PRSS3: variants seen among roughly 807,000 people sequenced by gnomAD.
PRSS3 encodes the protein serine protease 3.
In PRSS3, 14 loss-of-function variants were observed where a neutral mutation model predicts 20.8. The ratio of observed to expected loss-of-function variants is 0.67; its 90% CI spans 0.44 to 1.05. PRSS3 has a LOEUF of 1.05. Among genes scored for constraint, PRSS3 ranks in the 50% least tolerant of loss-of-function variants. The probability of loss-of-function intolerance (pLI) is 0.00; values close to 1 mark genes in which losing one functional copy is unlikely to be tolerated. For missense variants in PRSS3, 237 were observed against 306.4 expected, an observed-to-expected ratio of 0.77 and a Z score of 1.69; for synonymous variants, 91 against 117.6, an observed-to-expected ratio of 0.77 and a Z score of 1.46.
At chr9:33,795,504 C>T (rs1824865399), upstream of PRSS3, 3 of 1,597,656 alleles carry the variant, frequency 1.9e-6, no homozygotes, top group Non-Finnish European at 2.6e-6. Context: ...CTCACAGACA[C>T]CTCCTCTCCT....
chr9:33,792,505 A>G (rs1824680030), upstream of PRSS3, among the ~76,000 whole-genome samples: 1 of 152,210 alleles, frequency 6.6e-6, no homozygotes, highest in Admixed American at 6.5e-5. Context: ...TGATTTGTAA[A>G]AAGGAGAGAA....
intron 1 of PRSS3, among the ~76,000 whole-genome samples, chr9:33,754,593 G>A (rs1013465437): frequency 4.0e-5 from 6 of 151,848 alleles, no homozygotes; most frequent in Non-Finnish European, 7.4e-5. Flanking sequence ...ACTTTGGGAG[G>A]TCAAGGCGGG....
At chr9:33,787,014 G>A (rs1764165117) in intron 1 of PRSS3, among the ~76,000 whole-genome samples, 1 of 152,174 alleles carries the variant, frequency 6.6e-6, no homozygotes, top group South Asian at 2.1e-4. Context: ...CTGGGGATGA[G>A]GAGAGCATCT....
At chr9:33,774,846 C>T (rs530495012) in intron 1 of PRSS3, among the ~76,000 whole-genome samples, 2 of 151,924 alleles carry the variant, frequency 1.3e-5, no homozygotes, top group South Asian at 4.2e-4. Context: ...AAATTACAGG[C>T]ATGGTGGCGC....
upstream of PRSS3, chr9:33,794,914 C>T (rs1194734311): frequency 6.5e-7 from 1 of 1,547,916 alleles, no homozygotes; most frequent in Non-Finnish European, 8.7e-7. Context: ...TTCTTTGAAA[C>T]ACTTCCCATC....
chr9:33,780,107 A>G lies in PRSS3; in HGVS notation c.-52-14639A>G, dbSNP rs529344624. 1.2e-4 allele frequency among the ~76,000 whole-genome samples: 19 copies of G among 152,162 alleles called. 2 individuals are homozygous for G. In the South Asian group the frequency reaches 3.7e-3, roughly 30 times the overall value. ...TATAAGACAACTATCCCCAAGACACATAGTCGTCAGATTCACCAAGGTCAA... is the reference window on the plus strand; with the variant it reads ...TATAAGACAACTATCCCCAAGACACGTAGTCGTCAGATTCACCAAGGTCAA... On this transcript the variant is annotated intron_variant, in intron 1 of 5. Coordinates refer to the PRSS3 transcript ENST00000342836.
At chr9:33,760,745 CAAAA>C (rs61678518) in intron 1 of PRSS3, among the ~76,000 whole-genome samples, 5 of 101,358 alleles carry the variant, frequency 4.9e-5, no homozygotes, top group South Asian at 3.7e-4. Context: ...GACTCTGTCA[CAAAA>C]AAAAAAAAAA....
At chr9:33,757,057 T>C (rs1272346928) in intron 1 of PRSS3, among the ~76,000 whole-genome samples, 1 of 152,238 alleles carries the variant, frequency 6.6e-6, no homozygotes, top group Non-Finnish European at 1.5e-5. Flanking sequence ...AAGATCTCAT[T>C]TCTAGCCATT....
chr9:33,764,514 C>T (rs2380863), intron 1 of PRSS3, among the ~76,000 whole-genome samples: 2 of 151,996 alleles, frequency 1.3e-5, no homozygotes, highest in Non-Finnish European at 2.9e-5. Flanking sequence ...GCCTGGGAGA[C>T]GAGCAAAATT....
At position 33,798,093 on chromosome 9, in the gene PRSS3, C is replaced by T. The variant is rs1334030002; in HGVS notation, c.454+11C>T. ...CTCTGAGCTTTGGTGGTGAGTGGGA[C>T]CCTTTGTCCTTCTACTTCCCCCCAT... On this transcript the variant is annotated intron_variant, in intron 3 of 4. Coordinates refer to ENST00000379405, the MANE Select transcript of PRSS3 (RefSeq NM_002771.4). 2 of 1,614,254 alleles carry T rather than the reference C, an allele frequency of 1.2e-6. No individual in the cohort carries two copies. The highest frequency in any genetic ancestry group is 2.2e-5 in the East Asian group (1 of 44,884).
At chr9:33,786,601 C>T in intron 1 of PRSS3, 1 of 766,406 alleles carries the variant, frequency 1.3e-6, no homozygotes, top group South Asian at 1.3e-5. Context: ...CCATGATGAT[C>T]CAGTGTCAAG....
At chr9:33,769,363 A>T (rs569006175) in intron 1 of PRSS3, among the ~76,000 whole-genome samples, 1 of 152,228 alleles carries the variant, frequency 6.6e-6, no homozygotes, top group African/African-American at 2.4e-5. Context: ...ACAGTCAACC[A>T]ACTCAGCAAG....
chr9:33,777,071 GAAC>G (rs1823966986), intron 1 of PRSS3, among the ~76,000 whole-genome samples: 1 of 151,880 alleles, frequency 6.6e-6, no homozygotes, highest in Admixed American at 6.6e-5. Context: ...TACATACCAG[GAAC>G]AACAACATGA....
intron 1 of PRSS3, among the ~76,000 whole-genome samples, chr9:33,787,081 G>A (rs1159360809): frequency 6.6e-6 from 1 of 152,182 alleles, no homozygotes; most frequent in African/African-American, 2.4e-5. Flanking sequence ...CTGGAAAGCT[G>A]AGGGTAAAAT....
intron 1 of PRSS3, among the ~76,000 whole-genome samples, chr9:33,753,508 T>C (rs1228401684): frequency 3.3e-5 from 5 of 152,240 alleles, no homozygotes; most frequent in Admixed American, 3.3e-4. Context: ...GTGACTTATT[T>C]TGATGTACTC....
intron 1 of PRSS3, among the ~76,000 whole-genome samples, chr9:33,760,318 CTCCT>C (rs996460225): frequency 1.3e-5 from 2 of 151,998 alleles, no homozygotes. Context: ...TAGTTTCATC[CTCCT>C]TTCTCCATGA....
intron 1 of PRSS3, among the ~76,000 whole-genome samples, chr9:33,763,413 G>T (rs562599894): frequency 6.6e-6 from 1 of 152,298 alleles, no homozygotes; most frequent in East Asian, 1.9e-4. Context: ...GCTAAAGAAG[G>T]TGGAGGCCGG....
At chr9:33,790,264 A>G (rs1479107953) in intron 1 of PRSS3, among the ~76,000 whole-genome samples, 1 of 152,220 alleles carries the variant, frequency 6.6e-6, no homozygotes, top group Non-Finnish European at 1.5e-5. Flanking sequence ...TAGTTTTAGA[A>G]TTTATTCCCT....
intron 1 of PRSS3, among the ~76,000 whole-genome samples, chr9:33,779,664 C>T (rs13284795): frequency 2.0e-5 from 3 of 151,860 alleles, no homozygotes; most frequent in Admixed American, 6.6e-5. Flanking sequence ...TTCAGGAGAT[C>T]GAGACCATCC....
Sources: gnomAD v4.1 joint callset for allele counts (sites outside exome capture counted in the v4.1 genomes callset) on GRCh38, gnomAD v4.1.1 for gene constraint, MANE v1.5 for transcripts, NCBI Gene and HGNC (gene_info 2026-07-23, HGNC 2026-07-21) for gene names.